Variants in FGF14 observed in about 807,000 individuals in gnomAD.
FGF14 encodes fibroblast growth factor homologous factor 4.
In FGF14, 5 loss-of-function variants were observed where a neutral mutation model predicts 25.5. That is an observed-to-expected ratio of 0.20 (90% CI 0.10 to 0.41). FGF14 has a LOEUF of 0.41. Among genes scored for constraint, FGF14 ranks in the 10% least tolerant of loss-of-function variants. FGF14 has a pLI of 1.00. For synonymous variants in FGF14, 138 were observed against 118.3 expected (o/e 1.17, Z -1.08); for missense variants, 222 against 320.1 (o/e 0.69, Z 2.34).
intron 1 of FGF14, among the ~76,000 whole-genome samples, chr13:101,950,751 G>GTTTT (rs61285721): frequency 1.4e-4 from 19 of 131,956 alleles, no homozygotes; most frequent in Non-Finnish European, 2.1e-4. Context: ...ACCTAATCAT[G>GTTTT]TTTTTTTTTT....
intron 1 of FGF14, among the ~76,000 whole-genome samples, chr13:102,130,622 AT>A (rs1327761293): frequency 6.6e-6 from 1 of 152,186 alleles, no homozygotes; most frequent in Non-Finnish European, 1.5e-5. Flanking sequence ...CTGTGGACAC[AT>A]TTTGGCAATG....
intron 1 of FGF14, among the ~76,000 whole-genome samples, chr13:102,233,946 G>C (rs1013081089): frequency 6.6e-6 from 1 of 152,146 alleles, no homozygotes. Flanking sequence ...TTCCATATTT[G>C]ACTACTATAT....
At chr13:102,215,889 T>C (rs1176520510) in intron 1 of FGF14, among the ~76,000 whole-genome samples, 1 of 152,144 alleles carries the variant, frequency 6.6e-6, no homozygotes, top group African/African-American at 2.4e-5. Context: ...CACTGATGAG[T>C]AGCGGTTGAC....
chr13:101,820,613 TCTATGG>T (rs1165574774), intron 3 of FGF14, among the ~76,000 whole-genome samples: 2 of 90,580 alleles, frequency 2.2e-5, no homozygotes, highest in Admixed American at 2.2e-4. Flanking sequence ...GTAGATAGTA[TCTATGG>T]CTATGCAAGG....
intron 3 of FGF14, among the ~76,000 whole-genome samples, chr13:101,861,139 C>T (rs893550298): frequency 1.3e-5 from 2 of 152,088 alleles, no homozygotes; most frequent in African/African-American, 2.4e-5. Context: ...GTCTCACATG[C>T]AGGAAGAATA....
Position 102,228,903 on chromosome 13 carries a change from G to A in FGF14, c.208+172568C>T, listed in dbSNP as rs76536701. On this transcript the variant is annotated intron_variant, in intron 1 of 4. Coordinates refer to the FGF14 transcript ENST00000376131. Reference sequence around the variant, plus strand: ...TTAGGTATATTTTAAGCACAGTCTCGAATATATTTTGGGTTGATTTAAACA... The same window carrying A: ...TTAGGTATATTTTAAGCACAGTCTCAAATATATTTTGGGTTGATTTAAACA... 3.9e-3 allele frequency among the ~76,000 whole-genome samples: 592 copies of A among 152,238 alleles called. 3 individuals carry two copies. Among genetic ancestry groups the A allele is most frequent in the African/African-American group, 0.014 (565 of 41,540 alleles).
chr13:101,956,259 T>C (rs1433682496), intron 1 of FGF14, among the ~76,000 whole-genome samples: 1 of 152,024 alleles, frequency 6.6e-6, no homozygotes, highest in Non-Finnish European at 1.5e-5. Flanking sequence ...AAACTTTAGA[T>C]AGATAGATAC....
At chr13:102,202,904 G>C (rs1045810743) in intron 1 of FGF14, among the ~76,000 whole-genome samples, 8 of 152,270 alleles carry the variant, frequency 5.3e-5, no homozygotes, top group South Asian at 4.2e-4. Flanking sequence ...CAAAGAAATG[G>C]AGAATGGGCA....
chr13:101,971,402 ACT>A (rs1055619990), intron 1 of FGF14, among the ~76,000 whole-genome samples: 1 of 149,404 alleles, frequency 6.7e-6, no homozygotes, highest in African/African-American at 2.5e-5. Flanking sequence ...AATGGGTCTC[ACT>A]CTGTCACCCA....
intron 1 of FGF14, among the ~76,000 whole-genome samples, chr13:102,062,989 A>G (rs1052275577): frequency 2.0e-5 from 3 of 152,212 alleles, no homozygotes; most frequent in African/African-American, 7.2e-5. Context: ...GCTAAGAAGA[A>G]TTTGGGAAAT....
chr13:102,133,954 C>T (rs2046306253), intron 1 of FGF14, among the ~76,000 whole-genome samples: 3 of 152,168 alleles, frequency 2.0e-5, no homozygotes, highest in Admixed American at 2.0e-4. Context: ...ACAAAACACA[C>T]AAATTAAGCA....
intron 1 of FGF14, among the ~76,000 whole-genome samples, chr13:102,072,099 G>A (rs2043177711): frequency 6.6e-6 from 1 of 152,218 alleles, no homozygotes. Flanking sequence ...AAGGATGCAA[G>A]TAAATACGGT....
chr13:101,974,261 C>T (rs541745109), intron 1 of FGF14, among the ~76,000 whole-genome samples: 45 of 152,310 alleles, frequency 3.0e-4, no homozygotes, highest in South Asian at 1.0e-3. Context: ...TGCATGAACT[C>T]TCAGAGCTTC....
intron 1 of FGF14, among the ~76,000 whole-genome samples, chr13:102,308,860 G>A (rs1277134382): frequency 6.7e-6 from 1 of 148,434 alleles, no homozygotes; most frequent in Non-Finnish European, 1.5e-5. Flanking sequence ...GGCAGAAGAT[G>A]GCAAACATCC....
intron 3 of FGF14, among the ~76,000 whole-genome samples, chr13:101,796,365 C>A (rs1367382043): frequency 1.3e-5 from 2 of 151,990 alleles, no homozygotes; most frequent in Non-Finnish European, 2.9e-5. Context: ...TGGTGCTCAC[C>A]TTCCATACTG....
intron 1 of FGF14, among the ~76,000 whole-genome samples, chr13:102,180,850 A>AATGTG (rs1471810628): frequency 1.3e-5 from 2 of 152,162 alleles, no homozygotes; most frequent in Admixed American, 1.3e-4. Context: ...TAAATCTGGC[A>AATGTG]AACCTTGTTC....
intron 1 of FGF14, among the ~76,000 whole-genome samples, chr13:102,010,427 C>A (rs1339215171): frequency 6.6e-6 from 1 of 152,104 alleles, no homozygotes; most frequent in East Asian, 1.9e-4. Context: ...GATACCAGAA[C>A]TAATAACACA....
At chr13:102,078,357 C>G (rs1031288968) in intron 1 of FGF14, among the ~76,000 whole-genome samples, 11 of 152,060 alleles carry the variant, frequency 7.2e-5, no homozygotes, top group Non-Finnish European at 1.6e-4. Context: ...ACAATGTATA[C>G]ATATTTCAAA....
At chr13:101,937,550 T>C (rs984884697) in intron 1 of FGF14, among the ~76,000 whole-genome samples, 1 of 152,176 alleles carries the variant, frequency 6.6e-6, no homozygotes, top group Non-Finnish European at 1.5e-5. Flanking sequence ...GACCGTGGAC[T>C]GCTAGCATCC....
Sources: gnomAD v4.1 joint callset for allele counts (sites outside exome capture counted in the v4.1 genomes callset) on GRCh38, gnomAD v4.1.1 for gene constraint, MANE v1.5 for transcripts, NCBI Gene and HGNC (gene_info 2026-07-23, HGNC 2026-07-21) for gene names.